GABRB3: variants seen among roughly 807,000 people sequenced by gnomAD.
GABRB3 encodes the protein gamma-aminobutyric acid receptor subunit beta-3.
Under a neutral mutation model 52.1 loss-of-function variants are expected in GABRB3, and 14 were observed. That is an observed-to-expected ratio of 0.27 (90% CI 0.18 to 0.42). The LOEUF is 0.42. GABRB3 is among the 10% of genes least tolerant of loss of function. The pLI is 1.00. For missense variants in GABRB3, 307 were observed against 609.1 expected (o/e 0.50, Z 5.22); for synonymous variants, 260 against 232.3 (o/e 1.12, Z -1.08).
chr15:26,592,189 T>C (rs1654675728), intron 4 of GABRB3, among the ~76,000 whole-genome samples: 1 of 152,136 alleles, frequency 6.6e-6, no homozygotes, highest in African/African-American at 2.4e-5. Context: ...GATTTCAAGG[T>C]TTAGTTATAA....
intron 3 of GABRB3, among the ~76,000 whole-genome samples, chr15:26,650,431 T>G (rs1204926671): frequency 6.6e-6 from 1 of 151,936 alleles, no homozygotes; most frequent in African/African-American, 2.4e-5. Context: ...GAAGACCCAG[T>G]AGGGCCAAAA....
At chr15:26,551,613 G>GT (rs775162914) in intron 8 of GABRB3, among the ~76,000 whole-genome samples, 7 of 152,186 alleles carry the variant, frequency 4.6e-5, no homozygotes, top group African/African-American at 7.2e-5. Flanking sequence ...TAGCAGGAGC[G>GT]TCCACACTGC....
intron 3 of GABRB3, among the ~76,000 whole-genome samples, chr15:26,744,694 G>A (rs538757569): frequency 5.9e-5 from 9 of 152,264 alleles, no homozygotes; most frequent in African/African-American, 2.2e-4. Flanking sequence ...CCAAAGTGCT[G>A]GGATTACAGG....
intron 4 of GABRB3, among the ~76,000 whole-genome samples, chr15:26,607,003 C>T (rs1239771578): frequency 2.0e-5 from 3 of 152,186 alleles, no homozygotes; most frequent in South Asian, 4.1e-4. Flanking sequence ...CCAATCCCCA[C>T]GGCCATACTT....
intron 4 of GABRB3, among the ~76,000 whole-genome samples, chr15:26,587,700 G>A (rs1033853966): frequency 2.6e-5 from 4 of 152,202 alleles, no homozygotes; most frequent in Non-Finnish European, 5.9e-5. Flanking sequence ...ACAGACGGTA[G>A]AACTGAGAGT....
At chr15:26,658,455 C>G (rs1270777605) in intron 3 of GABRB3, 1 of 152,128 alleles carries the variant, frequency 6.6e-6, no homozygotes, top group African/African-American at 2.4e-5. Flanking sequence ...TTGTTATGGC[C>G]CTAATATGTA....
intron 3 of GABRB3, among the ~76,000 whole-genome samples, chr15:26,641,712 C>A (rs757485584): frequency 4.6e-5 from 7 of 152,132 alleles, no homozygotes; most frequent in Non-Finnish European, 1.0e-4. Context: ...GCCAGATGCC[C>A]CTTGGCTTCC....
chr15:26,754,185 C>T (rs1890593297), intron 3 of GABRB3, among the ~76,000 whole-genome samples: 1 of 151,922 alleles, frequency 6.6e-6, no homozygotes, highest in East Asian at 1.9e-4. Flanking sequence ...CAATTAAGCA[C>T]GAGTCGAACT....
At chr15:26,756,141 T>C (rs1194958200) in intron 3 of GABRB3, among the ~76,000 whole-genome samples, 1 of 152,166 alleles carries the variant, frequency 6.6e-6, no homozygotes, top group African/African-American at 2.4e-5. Flanking sequence ...TTATAAAATT[T>C]TCTTCATGAC....
Position 26,632,532 on chromosome 15 carries a change from T to C in GABRB3, c.241-10998A>G, listed in dbSNP as rs371023782. Among the ~76,000 whole-genome samples, 5 of 152,222 alleles carry C rather than the reference T, an allele frequency of 3.3e-5. No homozygotes were observed. The South Asian group carries it at 6.2e-4, about 19-fold the overall frequency. ...GAGTAAGTTTGAAAAGCAAAATGAT[T>C]GCACTGACCTACATTCAGAGGACAA... On this transcript the variant is annotated intron_variant, in intron 3 of 8. Transcript: ENST00000311550.
chr15:26,705,225 T>C (rs8025276), intron 3 of GABRB3, among the ~76,000 whole-genome samples: 12,716 of 152,222 alleles, frequency 0.084, 1,745 homozygotes, highest in African/African-American at 0.29. Context: ...TGTCCTCACA[T>C]TGCAAAAGGC....
At chr15:26,651,333 C>A (rs943887783) in intron 3 of GABRB3, among the ~76,000 whole-genome samples, 6 of 152,358 alleles carry the variant, frequency 3.9e-5, no homozygotes, top group South Asian at 2.1e-4. Context: ...CAGGGCACCC[C>A]TGTGGTGTGT....
chr15:26,721,264 G>A (rs375496497), intron 3 of GABRB3, among the ~76,000 whole-genome samples: 1 of 152,154 alleles, frequency 6.6e-6, no homozygotes, highest in African/African-American at 2.4e-5. Context: ...CTGCAGGCAG[G>A]AGAAGCTCTG....
chr15:26,646,282 C>G (rs1893345896), intron 3 of GABRB3, among the ~76,000 whole-genome samples: 1 of 152,186 alleles, frequency 6.6e-6, no homozygotes, highest in Non-Finnish European at 1.5e-5. Flanking sequence ...TTTGCCTATT[C>G]TGGACATTTC....
At chr15:26,593,389 C>T (rs957780583) in intron 4 of GABRB3, among the ~76,000 whole-genome samples, 1 of 152,106 alleles carries the variant, frequency 6.6e-6, no homozygotes, top group African/African-American at 2.4e-5. Context: ...CATTGGTGTG[C>T]GACCAACACT....
intron 4 of GABRB3, among the ~76,000 whole-genome samples, chr15:26,592,178 T>G (rs1212517941): frequency 1.3e-5 from 2 of 152,196 alleles, no homozygotes; most frequent in African/African-American, 4.8e-5. Context: ...AAAGTGTGTC[T>G]GATTTCAAGG....
intron 3 of GABRB3, among the ~76,000 whole-genome samples, chr15:26,771,635 G>C (rs748227522): frequency 6.6e-6 from 1 of 152,266 alleles, no homozygotes; most frequent in South Asian, 2.1e-4. Context: ...AGCACTCCTG[G>C]CAAAAGCCCG....
At chr15:26,550,201 C>G (rs1298729831) in intron 8 of GABRB3, 1 of 152,204 alleles carries the variant, frequency 6.6e-6, no homozygotes, top group African/African-American at 2.4e-5. Flanking sequence ...AACTCAAAAA[C>G]TGAGGACTTG....
intron 3 of GABRB3, among the ~76,000 whole-genome samples, chr15:26,672,748 A>T (rs1358739676): frequency 2.0e-5 from 3 of 152,170 alleles, no homozygotes; most frequent in Admixed American, 6.6e-5. Context: ...TGATGATGGG[A>T]ATGTCTGTGG....
Sources: gnomAD v4.1 joint callset for allele counts (sites outside exome capture counted in the v4.1 genomes callset) on GRCh38, gnomAD v4.1.1 for gene constraint, MANE v1.5 for transcripts, NCBI Gene and HGNC (gene_info 2026-07-23, HGNC 2026-07-21) for gene names.